CCT3: variants seen among roughly 807,000 people sequenced by gnomAD.
CCT3 encodes T-complex protein 1 subunit gamma.
In CCT3, 10 loss-of-function variants were observed where a neutral mutation model predicts 65.3. The observed-to-expected ratio is 0.15, with a 90% CI of 0.09 to 0.26. CCT3 has a LOEUF of 0.26. Ranked by LOEUF, CCT3 falls within the 10% of genes least tolerant of loss-of-function variation. The pLI, the probability that CCT3 is intolerant of heterozygous loss-of-function variation, is 1.00. For missense variants in CCT3, 626 were observed against 708.7 expected, an observed-to-expected ratio of 0.88 and a Z score of 1.33; for synonymous variants, 225 against 242.3, an observed-to-expected ratio of 0.93 and a Z score of 0.66.
At chr1:156,329,597 G>A (rs1035229110) in intron 5 of CCT3, among the ~76,000 whole-genome samples, 5 of 150,438 alleles carry the variant, frequency 3.3e-5, no homozygotes, top group African/African-American at 4.9e-5. Flanking sequence ...AAGCCACCGC[G>A]CCCAGCCCAT....
intron 5 of CCT3, among the ~76,000 whole-genome samples, chr1:156,325,618 C>T (rs984355649): frequency 2.0e-5 from 3 of 150,438 alleles, no homozygotes; most frequent in Non-Finnish European, 4.4e-5. Flanking sequence ...CGCTGTGTCG[C>T]CCAGGCTGGA....
At chr1:156,331,634 G>A (rs1023139541) in intron 5 of CCT3, among the ~76,000 whole-genome samples, 1 of 151,836 alleles carries the variant, frequency 6.6e-6, no homozygotes, top group Admixed American at 6.6e-5. Flanking sequence ...AGTGAACTGA[G>A]ATTGCGCCAA....
At chr1:156,335,928 C>A in intron 1 of CCT3, 40 bp from the exon 2 acceptor site, 3 of 1,488,840 alleles carry the variant, frequency 2.0e-6, no homozygotes, top group Non-Finnish European at 2.8e-6. Flanking sequence ...CCCAGGACTG[C>A]CCCATCGTAC....
intron 10 of CCT3, among the ~76,000 whole-genome samples, chr1:156,313,419 A>G (rs1454627491): frequency 2.0e-5 from 3 of 151,580 alleles, no homozygotes; most frequent in Non-Finnish European, 2.9e-5. Context: ...CCTAAATACA[A>G]TTTTAATGTA....
At chr1:156,334,687 AAAAC>A (rs754480834) in intron 4 of CCT3, 22 bp downstream of exon 4, 1 of 1,610,756 alleles carries the variant, frequency 6.2e-7, no homozygotes, top group Non-Finnish European at 8.5e-7. Flanking sequence ...AGAAAGCAAA[AAAAC>A]AAAACCAAAA....
chr1:156,316,022 C>T (rs987613109), intron 10 of CCT3, among the ~76,000 whole-genome samples: 2 of 146,378 alleles, frequency 1.4e-5, no homozygotes, highest in South Asian at 2.3e-4. Flanking sequence ...AGGAGGAAGG[C>T]GAATAAACAT....
chr1:156,320,945 C>A lies in CCT3; in HGVS notation c.503G>T (p.Trp168Leu). Residue 168 changes from tryptophan to leucine, a missense_variant, in exon 7 of 14, where the codon TGG becomes TTG. Coordinates refer to ENST00000295688, the MANE Select transcript of CCT3 (RefSeq NM_005998.5). ...GGCAATGTTGCAAGCCAAAGATGAC[C>A]ACCGACTGATGGCTTTGGTAGTAAT... is the stretch of plus-strand genomic sequence containing the variant. ...SSITTKAISR[W>L]SSLACNIALD... The A allele has an allele frequency of 6.2e-7, 1 of 1,613,896 alleles. No homozygotes were observed. Among genetic ancestry groups the A allele is most frequent in the Non-Finnish European group, 8.5e-7 (1 of 1,179,864 alleles).
chr1:156,335,692 C>G, intron 2 of CCT3, 135 bp downstream of exon 2: 2 of 636,530 alleles, frequency 3.1e-6, no homozygotes, highest in Non-Finnish European at 2.8e-6. Flanking sequence ...GGAAAATGTT[C>G]TGAAAGAGGT....
At position 156,319,004 on chromosome 1, in the gene CCT3, A is replaced by T. The variant is rs1489473572; in HGVS notation, c.623T>A (p.Ile208Asn). Residue 208 changes from isoleucine to asparagine, a missense_variant, in exon 8 of 14, where the codon ATC becomes AAC. Ile to Asn is a moderately radical substitution (Grantham distance 149, BLOSUM62 -3). Coordinates refer to ENST00000295688, the MANE Select transcript of CCT3 (RefSeq NM_005998.5). ...ACGCAAGACACAGGAGTCTTCAATG[A>T]TGCCTCCAGGTATCTGAACAAAAGA... ...YARVEKIPGG[I>N]IEDSCVLRGV... 5.6e-6 allele frequency: 9 copies of T among 1,610,004 alleles called. No individual in the cohort carries two copies. The highest frequency in any genetic ancestry group is 1.3e-5 in the African/African-American group (1 of 74,726).
At chr1:156,309,417 T>C in intron 13 of CCT3, 114 bp from the exon 14 acceptor site, 1 of 727,974 alleles carries the variant, frequency 1.4e-6, no homozygotes, top group South Asian at 1.6e-5. Flanking sequence ...GTCTGAAATC[T>C]ACCTTTTCAG....
At chr1:156,318,750 G>C in intron 8 of CCT3, 118 bp downstream of exon 8, 3 of 880,900 alleles carry the variant, frequency 3.4e-6, no homozygotes, top group Non-Finnish European at 5.1e-6. Context: ...ATTGTTCTAA[G>C]AGTCAGTGTA....
rs1168045634 is a variant in CCT3 at position 156,309,434 on chromosome 1, A to G, written c.1534-131T>C. 6 of 632,454 alleles carry G rather than the reference A, an allele frequency of 9.5e-6. No homozygotes were observed. In the Middle Eastern group the frequency reaches 1.3e-3, roughly 136 times the overall value. 39.2% of individuals were successfully genotyped at this position (632,454 alleles called of 1,614,324 possible). A position where few individuals can be genotyped will look rare whatever the true frequency, so the allele number is the denominator to read the frequency against. ...CTGAAATCTACCTTTTCAGTCTTTT[A>G]TTTTTTTTTGAGACGCAGTTTCCCT... On this transcript the variant is annotated intron_variant, in intron 13 of 13. Transcript: ENST00000295688.
At chr1:156,331,912 A>T (rs898579581) in intron 5 of CCT3, among the ~76,000 whole-genome samples, 1 of 151,932 alleles carries the variant, frequency 6.6e-6, no homozygotes, top group Non-Finnish European at 1.5e-5. Context: ...CATGCCTGTA[A>T]TCCCAGCTAC....
In CCT3 at chr1:156,329,303, C is replaced by CTTTTTTT. The variant is rs765770849; in HGVS notation, c.305-4221_305-4215dup. Among the ~76,000 whole-genome samples, 2 of 119,544 alleles carry CTTTTTTT rather than the reference C, an allele frequency of 1.7e-5. 1 individual carries two copies. The allele number at this position is 119,544 out of a possible 152,430, so 78.4% of individuals were successfully genotyped here. A position where few individuals can be genotyped will look rare whatever the true frequency, so the allele number is the denominator to read the frequency against. On this transcript the variant is annotated intron_variant, in intron 5 of 13. Coordinates refer to ENST00000295688, the MANE Select transcript of CCT3 (RefSeq NM_005998.5). ...CATTTGTCTCAGAACGTATCCCCAT[C>CTTTTTTT]TTTTTTTTTTTTTTTTTTTTTGAGA...
At chr1:156,315,005 A>G (rs759008673) in intron 10 of CCT3, among the ~76,000 whole-genome samples, 11 of 152,332 alleles carry the variant, frequency 7.2e-5, no homozygotes, top group Admixed American at 2.0e-4. Context: ...GAAGTCAGAC[A>G]AATCACGATG....
chr1:156,314,331 A>T (rs1456271865), intron 10 of CCT3, among the ~76,000 whole-genome samples: 2 of 152,166 alleles, frequency 1.3e-5, no homozygotes, highest in Admixed American at 1.3e-4. Context: ...GGATGTGGCT[A>T]AAAAAACTGG....
intron 5 of CCT3, among the ~76,000 whole-genome samples, chr1:156,332,413 C>A (rs1665141657): frequency 6.6e-6 from 1 of 152,124 alleles, no homozygotes; most frequent in African/African-American, 2.4e-5. Flanking sequence ...AAAAATAATT[C>A]TTTATGATCC....
intron 13 of CCT3, 115 bp downstream of exon 13, chr1:156,310,443 G>A (rs564643782): frequency 7.2e-6 from 5 of 694,710 alleles, no homozygotes; most frequent in East Asian, 3.8e-5. Context: ...GCAGTGAGCC[G>A]AGATCACACC....
At chr1:156,311,363 A>G (rs1664077376) in intron 11 of CCT3, among the ~76,000 whole-genome samples, 168 bp from the exon 12 acceptor site, 1 of 152,254 alleles carries the variant, frequency 6.6e-6, no homozygotes, top group Non-Finnish European at 1.5e-5. Context: ...CTGAGAATAT[A>G]TAACACACGA....
Sources: gnomAD v4.1 joint callset for allele counts (sites outside exome capture counted in the v4.1 genomes callset) on GRCh38, gnomAD v4.1.1 for gene constraint, MANE v1.5 for transcripts, NCBI Gene and HGNC (gene_info 2026-07-23, HGNC 2026-07-21) for gene names.